Variants in STARD13 observed in about 807,000 individuals in gnomAD.
STARD13 encodes StAR related lipid transfer domain containing 13.
Under a neutral mutation model 106.4 loss-of-function variants are expected in STARD13, and 62 were observed. The observed-to-expected ratio is 0.58, with a 90% CI of 0.48 to 0.72. STARD13 has a LOEUF of 0.72. STARD13 is among the 30% of genes least tolerant of loss of function. The pLI is 0.00. For missense variants in STARD13, 1,387 were observed against 1,424.0 expected (o/e 0.97, Z 0.42); for synonymous variants, 565 against 553.0 (o/e 1.02, Z -0.31).
chr13:33,584,332 A>G, the STARD13 span, among the ~76,000 whole-genome samples: 5 of 152,188 alleles, frequency 3.3e-5, no homozygotes, highest in South Asian at 4.1e-4. Context: ...GAAATTTACA[A>G]TCATGGCGGA....
chr13:33,525,320 C>T, the STARD13 span, among the ~76,000 whole-genome samples: 2 of 151,958 alleles, frequency 1.3e-5, no homozygotes, highest in South Asian at 2.1e-4. Flanking sequence ...ACCCTGCCTG[C>T]CTCCAAATGT....
chr13:33,400,346 A>G, the STARD13 span, among the ~76,000 whole-genome samples: 13 of 152,184 alleles, frequency 8.5e-5, no homozygotes, highest in Non-Finnish European at 1.6e-4. Context: ...GTGAATATAT[A>G]TATGCCACAT....
At chr13:33,289,380 C>A (rs759452294), upstream of STARD13, among the ~76,000 whole-genome samples, 1 of 152,098 alleles carries the variant, frequency 6.6e-6, no homozygotes, top group Non-Finnish European at 1.5e-5. Context: ...TACTATGTGC[C>A]AGGTCTGAAG....
chr13:33,384,518 C>T, the STARD13 span, among the ~76,000 whole-genome samples: 1 of 152,062 alleles, frequency 6.6e-6, no homozygotes, highest in Non-Finnish European at 1.5e-5. Flanking sequence ...CTGCAATGAA[C>T]TTTAAAATGT....
chr13:33,347,686 G>A (rs2078032133), downstream of STARD13, among the ~76,000 whole-genome samples: 4 of 152,162 alleles, frequency 2.6e-5, no homozygotes, highest in South Asian at 8.3e-4. Flanking sequence ...TAGCCTAGGT[G>A]TGTAGTAGGC....
chr13:33,601,841 G>A, the STARD13 span, among the ~76,000 whole-genome samples: 4 of 152,164 alleles, frequency 2.6e-5, no homozygotes, highest in Admixed American at 2.6e-4. Context: ...CAGTGTTGTA[G>A]TGGGCCCAAA....
At chr13:33,504,652 G>A in the STARD13 span, among the ~76,000 whole-genome samples, 3 of 151,852 alleles carry the variant, frequency 2.0e-5, no homozygotes, top group African/African-American at 7.3e-5. Flanking sequence ...TATACCTAAC[G>A]TAAATGACGA....
At chr13:33,235,728 T>C (rs1291836722) in intron 1 of STARD13, among the ~76,000 whole-genome samples, 3 of 152,216 alleles carry the variant, frequency 2.0e-5, no homozygotes, top group Non-Finnish European at 2.9e-5. Flanking sequence ...GAGAAATTGC[T>C]CCAAATGCAA....
intron 1 of STARD13, among the ~76,000 whole-genome samples, chr13:33,210,186 C>A (rs977408970): frequency 1.8e-4 from 27 of 152,166 alleles, no homozygotes; most frequent in African/African-American, 6.5e-4. Context: ...ATCAGCTCTG[C>A]AGAGGGGAGA....
chr13:33,620,286 CTT>C, the STARD13 span, among the ~76,000 whole-genome samples: 25 of 142,696 alleles, frequency 1.8e-4, no homozygotes, highest in Non-Finnish European at 2.2e-4. Context: ...TTTCTTTTTT[CTT>C]TTTTTTTTTT....
the STARD13 span, among the ~76,000 whole-genome samples, chr13:33,541,896 A>AG: frequency 1.3e-5 from 2 of 152,252 alleles, no homozygotes; most frequent in Non-Finnish European, 2.9e-5. Flanking sequence ...ATGCACTTTC[A>AG]GAAACTACTA....
Position 33,129,780 on chromosome 13 carries a change from C to T in STARD13, c.897G>A (p.Lys299=). The T allele has an allele frequency of 6.2e-7, 1 of 1,614,038 alleles. No individual in the cohort carries two copies. The highest frequency in any genetic ancestry group is 1.1e-5 in the South Asian group (1 of 91,088). Residue 299 remains lysine (K), a synonymous_variant, in exon 5 of 14, where the codon AAG becomes AAA. Coordinates refer to ENST00000336934, the MANE Select transcript of STARD13 (RefSeq NM_178006.4). ...PMLQQEPESF[K]AMQCIQIPNG... is the part of the protein sequence containing the mutation. ...TTGGTATTTGGATGCACTGCATAGC[C>T]TTAAAGGACTCTGGCTCCTGCTGCA...
At chr13:33,270,932 C>T (rs1429724775) in intron 1 of STARD13, among the ~76,000 whole-genome samples, 1 of 152,168 alleles carries the variant, frequency 6.6e-6, no homozygotes, top group African/African-American at 2.4e-5. Flanking sequence ...AACCTTTTCT[C>T]CTTAAAAATT....
chr13:33,312,933 T>A (rs906304937), intron 1 of STARD13, among the ~76,000 whole-genome samples: 7 of 152,372 alleles, frequency 4.6e-5, no homozygotes, highest in African/African-American at 1.4e-4. Context: ...TCCTAAGTAA[T>A]AACATTGTTC....
the STARD13 span, among the ~76,000 whole-genome samples, chr13:33,437,292 C>T: frequency 6.2e-4 from 94 of 152,280 alleles, 1 homozygote; most frequent in East Asian, 0.015. Flanking sequence ...CTTGCTCAAT[C>T]GATCACGACC....
chr13:33,195,155 A>G (rs1262786332), intron 1 of STARD13, among the ~76,000 whole-genome samples: 3 of 152,230 alleles, frequency 2.0e-5, no homozygotes, highest in Non-Finnish European at 4.4e-5. Context: ...ATTTAAATCA[A>G]TGACCAACAA....
At chr13:33,660,914 TC>T in the STARD13 span, among the ~76,000 whole-genome samples, 3 of 152,194 alleles carry the variant, frequency 2.0e-5, no homozygotes, top group Non-Finnish European at 4.4e-5. Flanking sequence ...GGTTTCACTT[TC>T]TTGGTAGGGT....
chr13:33,476,122 C>T, the STARD13 span, among the ~76,000 whole-genome samples: 8 of 152,028 alleles, frequency 5.3e-5, no homozygotes, highest in Admixed American at 5.2e-4. Flanking sequence ...TTTTAATATT[C>T]AGCAACAATT....
chr13:33,359,664 CA>C, the STARD13 span: 370 of 139,454 alleles, frequency 2.7e-3, no homozygotes, highest in Middle Eastern at 0.014. Context: ...GACTCCATCT[CA>C]AAAAAAAAAA....
Sources: allele counts gnomAD v4.1 joint callset (sites outside exome capture counted in the v4.1 genomes callset), GRCh38; gene constraint gnomAD v4.1.1; transcripts MANE v1.5; gene names NCBI Gene and HGNC (gene_info 2026-07-23, HGNC 2026-07-21).